The following MEI4 variants were observed in gnomAD, a reference collection of about 807,000 sequenced individuals.
MEI4 encodes meiotic double-stranded break formation protein 4.
Under a neutral mutation model 31.4 loss-of-function variants are expected in MEI4, and 27 were observed. The ratio of observed to expected loss-of-function variants is 0.86; its 90% CI spans 0.63 to 1.19. The LOEUF is 1.19. Ranked by LOEUF, MEI4 falls within the 50% of genes most tolerant of loss-of-function variation. The pLI, the probability that MEI4 is intolerant of heterozygous loss-of-function variation, is 0.00. For missense variants in MEI4, 329 were observed against 398.9 expected (o/e 0.82, Z 1.49); for synonymous variants, 122 against 145.4 (o/e 0.84, Z 1.16).
chr6:77,798,446 C>T (rs1769144358), intron 3 of MEI4, among the ~76,000 whole-genome samples: 1 of 151,474 alleles, frequency 6.6e-6, no homozygotes, highest in Non-Finnish European at 1.5e-5. Context: ...TAGGTTCCAA[C>T]TATATGCTAT....
rs1766814222 is a variant in MEI4, at chr6:77,925,135, C to T, written c.*1789C>T. On this transcript the variant is annotated 3_prime_UTR_variant, in exon 5 of 5. Coordinates refer to ENST00000684080, the MANE Select transcript of MEI4 (RefSeq NM_001322247.2). ...CACAAGTATCAGCAATGGCCCTTTCCCTATTGCAGCCAGCCAACGTAATGA... is the reference window on the plus strand; with the variant it reads ...CACAAGTATCAGCAATGGCCCTTTCTCTATTGCAGCCAGCCAACGTAATGA... 6.6e-6 allele frequency: 1 copy of T among 151,732 alleles called. No homozygotes were observed. Among genetic ancestry groups the T allele is most frequent in the Non-Finnish European group, 1.5e-5 (1 of 67,860 alleles). 9.4% of individuals were successfully genotyped at this position (151,732 alleles called of 1,614,324 possible).
intron 4 of MEI4, among the ~76,000 whole-genome samples, chr6:77,883,682 T>C (rs886872652): frequency 5.0e-5 from 6 of 120,104 alleles, no homozygotes; most frequent in Admixed American, 8.8e-5. Context: ...TGTATGTTTA[T>C]ATACATATAT....
intron 4 of MEI4, among the ~76,000 whole-genome samples, chr6:77,862,507 G>A (rs1239623646): frequency 6.6e-6 from 1 of 152,216 alleles, no homozygotes. Context: ...CAAACTGCAA[G>A]GTGGCAGCGA....
At chr6:77,907,244 T>G (rs1046968148) in intron 4 of MEI4, among the ~76,000 whole-genome samples, 4 of 152,084 alleles carry the variant, frequency 2.6e-5, no homozygotes, top group African/African-American at 9.7e-5. Context: ...CCATTAACTC[T>G]TCATTTAACA....
At chr6:77,727,816 C>G (rs1203020721) in intron 2 of MEI4, among the ~76,000 whole-genome samples, 1 of 152,210 alleles carries the variant, frequency 6.6e-6, no homozygotes, top group East Asian at 1.9e-4. Context: ...AAAAAATGTT[C>G]TGGTCACAGT....
chr6:77,667,770 A>G (rs934927797), intron 1 of MEI4, among the ~76,000 whole-genome samples: 1 of 152,012 alleles, frequency 6.6e-6, no homozygotes, highest in Non-Finnish European at 1.5e-5. Flanking sequence ...AAAATGGGGG[A>G]AGGATGTATT....
intron 4 of MEI4, among the ~76,000 whole-genome samples, chr6:77,856,194 G>A (rs1026177422): frequency 2.6e-5 from 4 of 152,020 alleles, no homozygotes; most frequent in African/African-American, 4.8e-5. Flanking sequence ...CTAATGAACC[G>A]GCCCGTCTGC....
At chr6:77,876,370 A>G (rs1771337938) in intron 4 of MEI4, among the ~76,000 whole-genome samples, 2 of 152,080 alleles carry the variant, frequency 1.3e-5, no homozygotes, top group Admixed American at 1.3e-4. Flanking sequence ...TGAGTTCTTG[A>G]TTAAAGGATA....
intron 2 of MEI4, among the ~76,000 whole-genome samples, chr6:77,745,889 G>T (rs1222030394): frequency 6.6e-6 from 1 of 152,168 alleles, no homozygotes; most frequent in Non-Finnish European, 1.5e-5. Flanking sequence ...ATAATGAAAT[G>T]AAGGGAGAAA....
intron 2 of MEI4, among the ~76,000 whole-genome samples, chr6:77,702,028 T>TC (rs1329997190): frequency 6.6e-6 from 1 of 152,154 alleles, no homozygotes; most frequent in Non-Finnish European, 1.5e-5. Context: ...TTCCATTGCC[T>TC]CCCCAGTTCT....
chr6:77,862,415 A>G (rs969483519), intron 4 of MEI4, among the ~76,000 whole-genome samples: 8 of 152,236 alleles, frequency 5.3e-5, no homozygotes, highest in African/African-American at 1.7e-4. Context: ...AAACGGCACA[A>G]CAGGAGATTA....
intron 4 of MEI4, among the ~76,000 whole-genome samples, chr6:77,910,630 C>G (rs1229281085): frequency 1.3e-5 from 2 of 152,014 alleles, no homozygotes. Flanking sequence ...CCATACAGCC[C>G]AAAGTAATTT....
intron 2 of MEI4, among the ~76,000 whole-genome samples, chr6:77,722,184 C>T (rs1436408584): frequency 6.7e-5 from 10 of 148,286 alleles, no homozygotes; most frequent in East Asian, 4.1e-4. Context: ...GAGGGCAACC[C>T]GGGTTGGAGA....
intron 4 of MEI4, among the ~76,000 whole-genome samples, chr6:77,883,565 G>A (rs1771537734): frequency 6.6e-6 from 1 of 151,334 alleles, no homozygotes; most frequent in African/African-American, 2.4e-5. Context: ...TTCTCTGCCT[G>A]GCTTACTTCA....
At chr6:77,797,587 C>A (rs1322615839) in intron 3 of MEI4, among the ~76,000 whole-genome samples, 1 of 152,086 alleles carries the variant, frequency 6.6e-6, no homozygotes, top group Non-Finnish European at 1.5e-5. Flanking sequence ...GGCCCGAGAT[C>A]CCCCGGCAAA....
chr6:77,911,502 A>T (rs972656951), intron 4 of MEI4, among the ~76,000 whole-genome samples: 2 of 151,592 alleles, frequency 1.3e-5, no homozygotes, highest in Admixed American at 6.6e-5. Flanking sequence ...TATTTTTCCC[A>T]TCTTGCTGTT....
In MEI4 at chr6:77,924,298, C is replaced by T. The variant is rs1056012976; in HGVS notation, c.*952C>T. On this transcript the variant is annotated 3_prime_UTR_variant, in exon 5 of 5. Transcript: ENST00000684080. ...TAAGTTAATTAGCATTCCTAAATGT[C>T]GTTGGCATTAAAAGTAATCTTGATA... 1.3e-5 allele frequency: 2 copies of T among 151,748 alleles called. No homozygotes were observed. Among genetic ancestry groups the T allele is most frequent in the Admixed American group, 6.6e-5 (1 of 15,184 alleles). The allele number at this position is 151,748 out of a possible 1,614,324, so 9.4% of individuals were successfully genotyped here. A position where few individuals can be genotyped will look rare whatever the true frequency, so the allele number is the denominator to read the frequency against.
At chr6:77,713,937 T>C (rs1766522862) in intron 2 of MEI4, among the ~76,000 whole-genome samples, 1 of 152,200 alleles carries the variant, frequency 6.6e-6, no homozygotes, top group African/African-American at 2.4e-5. Flanking sequence ...GATCATGTCT[T>C]AAGTGTTCCC....
intron 2 of MEI4, among the ~76,000 whole-genome samples, chr6:77,701,729 G>A (rs554064520): frequency 3.9e-5 from 6 of 151,954 alleles, no homozygotes; most frequent in Non-Finnish European, 8.8e-5. Flanking sequence ...TGAAAAGAAA[G>A]TAAGAAAAAA....
Sources: allele counts gnomAD v4.1 joint callset (sites outside exome capture counted in the v4.1 genomes callset), GRCh38; gene constraint gnomAD v4.1.1; transcripts MANE v1.5; gene names NCBI Gene and HGNC (gene_info 2026-07-23, HGNC 2026-07-21).